RBFOX3: variants seen among roughly 807,000 people sequenced by gnomAD.
The protein encoded by RBFOX3 is RNA binding fox-1 homolog 3, also known as RNA binding protein fox-1 homolog 3.
RBFOX3 carries 17 observed loss-of-function variants against 48.7 expected under a neutral mutation model. That is an observed-to-expected ratio of 0.35 (90% CI 0.24 to 0.52). The LOEUF (loss-of-function observed/expected upper bound fraction) is 0.52, where lower values mean the gene tolerates loss of function less well. Among genes scored for constraint, RBFOX3 ranks in the 20% least tolerant of loss-of-function variants. The probability of loss-of-function intolerance (pLI) is 0.94; values close to 1 mark genes in which losing one functional copy is unlikely to be tolerated. For missense variants in RBFOX3, 382 were observed against 497.5 expected (o/e 0.77, Z 2.21); for synonymous variants, 212 against 209.5 (o/e 1.01, Z -0.10).
chr17:79,114,009 G>C (rs1388230525), intron 5 of RBFOX3, among the ~76,000 whole-genome samples: 3 of 152,162 alleles, frequency 2.0e-5, no homozygotes, highest in African/African-American at 7.2e-5. Flanking sequence ...TGACCCTCCT[G>C]CTTCTGGTTT....
At chr17:79,122,326 C>G (rs1025943868) in intron 4 of RBFOX3, among the ~76,000 whole-genome samples, 1 of 152,182 alleles carries the variant, frequency 6.6e-6, no homozygotes. Context: ...CCTCCCCCAC[C>G]AGGGTCCTGC....
In RBFOX3 at chr17:79,489,240, T is replaced by TAAAA. The variant is rs71161671; in HGVS notation, c.-319-6646_-319-6643dup. 3.5e-4 allele frequency among the ~76,000 whole-genome samples: 44 copies of TAAAA among 126,480 alleles called. No individual in the cohort carries two copies. The East Asian group carries it at 8.2e-3, about 24-fold the overall frequency. 83.0% of individuals were successfully genotyped at this position (126,480 alleles called of 152,430 possible). ...TAGCCTTCTAGTCCTGCCAGAAAGTTAAAAAAAAAAAAAAAAAAAAAAGAA... is the reference window on the plus strand; with the variant it reads ...TAGCCTTCTAGTCCTGCCAGAAAGTTAAAAAAAAAAAAAAAAAAAAAAAAAAGAA... On this transcript the variant is annotated intron_variant, in intron 1 of 14. Coordinates refer to ENST00000693108, the MANE Select transcript of RBFOX3 (RefSeq NM_001350451.2).
At chr17:79,623,888 A>T in the RBFOX3 span, among the ~76,000 whole-genome samples, 3 of 149,402 alleles carry the variant, frequency 2.0e-5, no homozygotes, top group Non-Finnish European at 4.4e-5. Context: ...GTGATGATGG[A>T]GGTGGGTCGG....
intron 2 of RBFOX3, among the ~76,000 whole-genome samples, chr17:79,380,098 C>T (rs1598442937): frequency 6.6e-6 from 1 of 152,058 alleles, no homozygotes; most frequent in East Asian, 1.9e-4. Context: ...AGTCCATGAC[C>T]GCATGGCCAT....
chr17:79,395,867 C>G (rs1414631788), intron 2 of RBFOX3, among the ~76,000 whole-genome samples: 3 of 152,246 alleles, frequency 2.0e-5, no homozygotes, highest in Non-Finnish European at 4.4e-5. Flanking sequence ...GAGCATCCTG[C>G]AGAAGGGGTA....
intron 2 of RBFOX3, among the ~76,000 whole-genome samples, chr17:79,426,493 T>C (rs1324632482): frequency 6.6e-6 from 1 of 152,112 alleles, no homozygotes; most frequent in Non-Finnish European, 1.5e-5. Context: ...CAACAAGACT[T>C]TCCTTCCAGC....
intron 14 of RBFOX3, among the ~76,000 whole-genome samples, chr17:79,093,826 C>CAG (rs1231723518): frequency 3.9e-4 from 57 of 147,350 alleles, no homozygotes; most frequent in African/African-American, 1.4e-3. Context: ...CACACACACA[C>CAG]AGAGACACGC....
Position 79,103,572 on chromosome 17 carries a change from G to T in RBFOX3, c.415-318C>A, listed in dbSNP as rs1035101452. Among the ~76,000 whole-genome samples the T allele has an allele frequency of 6.6e-6, 1 of 152,160 alleles. No homozygotes were observed. Among genetic ancestry groups the T allele is most frequent in the Non-Finnish European group, 1.5e-5 (1 of 68,012 alleles). On this transcript the variant is annotated intron_variant, in intron 7 of 14. Coordinates refer to ENST00000693108, the MANE Select transcript of RBFOX3 (RefSeq NM_001350451.2). The surrounding 1 kb of genome is among the most constrained non-coding windows in gnomAD (Gnocchi z 6.1). Reference sequence around the variant, plus strand: ...TAAGAGACGCCATACCTGACCACAGGCCAGGCCTGCCCCCTGAACCCCACC... The same window carrying T: ...TAAGAGACGCCATACCTGACCACAGTCCAGGCCTGCCCCCTGAACCCCACC...
At chr17:79,241,312 C>T (rs1174221009) in intron 3 of RBFOX3, among the ~76,000 whole-genome samples, 1 of 152,192 alleles carries the variant, frequency 6.6e-6, no homozygotes, top group East Asian at 1.9e-4. Context: ...TGGCATCCGG[C>T]CTGTTTCGCT....
chr17:79,177,956 C>T (rs774243568), intron 4 of RBFOX3, among the ~76,000 whole-genome samples: 1 of 152,338 alleles, frequency 6.6e-6, no homozygotes, highest in East Asian at 1.9e-4. Flanking sequence ...TGGACAGAGA[C>T]GGCCCCCAGG....
intron 1 of RBFOX3, among the ~76,000 whole-genome samples, chr17:79,536,661 C>T (rs1384772079): frequency 4.7e-5 from 7 of 148,104 alleles, no homozygotes; most frequent in African/African-American, 1.3e-4. Flanking sequence ...CCCGCCCCAG[C>T]GTAGCACTTT....
chr17:79,329,380 A>G (rs1598281535), intron 2 of RBFOX3, among the ~76,000 whole-genome samples: 1 of 151,528 alleles, frequency 6.6e-6, no homozygotes, highest in African/African-American at 2.4e-5. Context: ...TCCTGGCCAC[A>G]CTCCTGCCGG....
chr17:79,354,608 G>A (rs1226649728), intron 2 of RBFOX3, among the ~76,000 whole-genome samples: 2 of 152,266 alleles, frequency 1.3e-5, no homozygotes, highest in Non-Finnish European at 2.9e-5. Flanking sequence ...GCAGTAGGAA[G>A]ATGACAGGGA....
chr17:79,247,019 G>A (rs2063272318), intron 3 of RBFOX3, among the ~76,000 whole-genome samples: 1 of 152,214 alleles, frequency 6.6e-6, no homozygotes, highest in South Asian at 2.1e-4. Context: ...TCCTTTGGGA[G>A]ATGGGCAAAA....
intron 4 of RBFOX3, among the ~76,000 whole-genome samples, chr17:79,181,785 A>C (rs999884225): frequency 3.3e-5 from 5 of 152,126 alleles, no homozygotes; most frequent in Admixed American, 3.3e-4. Flanking sequence ...GGGCTGACCC[A>C]AGTGCCCAGG....
upstream of RBFOX3, among the ~76,000 whole-genome samples, chr17:79,615,660 G>C (rs903075742): frequency 6.6e-6 from 1 of 152,124 alleles, no homozygotes; most frequent in Non-Finnish European, 1.5e-5. Flanking sequence ...TCCTTTCCAC[G>C]CACTGCCACC....
chr17:79,448,632 C>T (rs1169536756), intron 2 of RBFOX3, among the ~76,000 whole-genome samples: 2 of 152,144 alleles, frequency 1.3e-5, no homozygotes, highest in Non-Finnish European at 2.9e-5. Flanking sequence ...GGCTTGTGGC[C>T]TCCAGAAATG....
chr17:79,113,886 G>A (rs1003108694), intron 5 of RBFOX3, among the ~76,000 whole-genome samples: 9 of 152,196 alleles, frequency 5.9e-5, no homozygotes, highest in African/African-American at 2.2e-4. Flanking sequence ...GACTTTATGT[G>A]TGTCCTGGTA....
At chr17:79,095,791 A>G (rs2075112109) in intron 12 of RBFOX3, among the ~76,000 whole-genome samples, 1 of 152,220 alleles carries the variant, frequency 6.6e-6, no homozygotes, top group Admixed American at 6.5e-5. Flanking sequence ...GCAGATGGCT[A>G]GGTGGCACAG....
Sources: allele counts gnomAD v4.1 joint callset (sites outside exome capture counted in the v4.1 genomes callset), GRCh38; gene constraint gnomAD v4.1.1; non-coding constraint Gnocchi (gnomAD v3.1); transcripts MANE v1.5; gene names NCBI Gene and HGNC (gene_info 2026-07-23, HGNC 2026-07-21).